The following CACNA1C variants were observed in gnomAD, a reference collection of about 807,000 sequenced individuals.
The protein encoded by CACNA1C is voltage-dependent L-type calcium channel subunit alpha-1C.
In CACNA1C, 30 loss-of-function variants were observed where a neutral mutation model predicts 229.0. The observed-to-expected ratio is 0.13, with a 90% CI of 0.10 to 0.18. CACNA1C has a LOEUF of 0.18. Ranked by LOEUF, CACNA1C falls within the 10% of genes least tolerant of loss-of-function variation. The pLI is 1.00. For synonymous variants in CACNA1C, 1,114 were observed against 1,132.5 expected, an observed-to-expected ratio of 0.98 and a Z score of 0.33; for missense variants, 1,658 against 2,845.0, an observed-to-expected ratio of 0.58 and a Z score of 9.49.
At chr12:2,052,841 C>T (rs2052644384), upstream of CACNA1C, among the ~76,000 whole-genome samples, 1 of 145,178 alleles carries the variant, frequency 6.9e-6, no homozygotes, top group Admixed American at 6.8e-5. Context: ...CGGCTCCCTG[C>T]GCGCCGCCGC....
At chr12:2,276,816 C>T (rs752186049) in intron 3 of CACNA1C, among the ~76,000 whole-genome samples, 16 of 152,056 alleles carry the variant, frequency 1.1e-4, no homozygotes, top group Non-Finnish European at 1.5e-4. Flanking sequence ...ATTGGGATGA[C>T]GGAGGGTGGG....
At chr12:2,340,174 A>G (rs1009960947) in intron 3 of CACNA1C, among the ~76,000 whole-genome samples, 2 of 152,228 alleles carry the variant, frequency 1.3e-5, no homozygotes, top group Non-Finnish European at 2.9e-5. Context: ...TCTTCTATAT[A>G]CAACTTTATA....
At chr12:2,175,079 T>C (rs983089906) in intron 3 of CACNA1C, among the ~76,000 whole-genome samples, 1 of 150,018 alleles carries the variant, frequency 6.7e-6, no homozygotes, top group African/African-American at 2.5e-5. Context: ...AGCTGTACTT[T>C]GGCATGCATC....
At chr12:2,492,483 C>T (rs1478198945) in intron 6 of CACNA1C, among the ~76,000 whole-genome samples, 1 of 152,232 alleles carries the variant, frequency 6.6e-6, no homozygotes. Context: ...TGTGAAGTCC[C>T]ACATGACATG....
At chr12:2,187,636 C>G (rs938853315) in intron 3 of CACNA1C, among the ~76,000 whole-genome samples, 1 of 152,218 alleles carries the variant, frequency 6.6e-6, no homozygotes, top group Non-Finnish European at 1.5e-5. Context: ...AGTCAGTGAC[C>G]GACAGGCCAG....
rs142449272 is a variant in CACNA1C at position 2,293,576 on chromosome 12, T to G, written c.478-155400T>G. Among the ~76,000 whole-genome samples, 812 of 152,334 alleles carry G rather than the reference T, an allele frequency of 5.3e-3. 9 individuals carry two copies. The highest frequency in any genetic ancestry group is 4.4e-3 in the Non-Finnish European group (301 of 68,034). On this transcript the variant is annotated intron_variant, in intron 3 of 46. Coordinates refer to ENST00000399655, the MANE Select transcript of CACNA1C (RefSeq NM_000719.7). ...GTATGAGATTTTTCTTGCATTTATT[T>G]TTAGCTCACCAGCTATCACTAGTGT...
In CACNA1C at chr12:2,486,313, CA is replaced by C; in HGVS notation, c.916+52del. On this transcript the variant is annotated intron_variant, in intron 6 of 46. Coordinates refer to ENST00000399655, the MANE Select transcript of CACNA1C (RefSeq NM_000719.7). The surrounding 1 kb of genome is among the most constrained non-coding windows in gnomAD (Gnocchi z 4.9). ...CCAAGGCCCTGCCCTCTATCGCTCC[CA>C]GCACCTTTCCCGCTGCTGGCTACAC... is the stretch of plus-strand genomic sequence containing the variant. The C allele has an allele frequency of 6.6e-7, 1 of 1,508,732 alleles. No homozygotes were observed. Among genetic ancestry groups the C allele is most frequent in the Non-Finnish European group, 9.1e-7 (1 of 1,103,098 alleles). The allele number at this position is 1,508,732 out of a possible 1,614,324, so 93.5% of individuals were successfully genotyped here.
chr12:2,174,733 C>T (rs2096594779), intron 3 of CACNA1C, among the ~76,000 whole-genome samples: 1 of 152,174 alleles, frequency 6.6e-6, no homozygotes, highest in East Asian at 1.9e-4. Flanking sequence ...TACTGTTTAC[C>T]TGAAGCCTGA....
Position 2,034,752 on chromosome 12 carries a change from T to C in CACNA1C, c.139+63551T>C, listed in dbSNP as rs2048800112. On this transcript the variant is annotated intron_variant, in intron 1 of 46. Coordinates refer to the CACNA1C transcript ENST00000682462. This position sits in a 1 kb window ranked among gnomAD's most constrained non-coding sequence, Gnocchi z 4.1. ...AAAAAACACCTTTCGGAGTGCCTCCTTCGTGCCAGGCTCTGCAGATATAGC... is the reference window on the plus strand; with the variant it reads ...AAAAAACACCTTTCGGAGTGCCTCCCTCGTGCCAGGCTCTGCAGATATAGC... 6.6e-6 allele frequency among the ~76,000 whole-genome samples: 1 copy of C among 152,176 alleles called. No homozygotes were observed. The highest frequency in any genetic ancestry group is 1.5e-5 in the Non-Finnish European group (1 of 68,036).
At position 2,605,766 on chromosome 12, in the gene CACNA1C, A is replaced by G. The variant is rs776422629; in HGVS notation, c.3136A>G (p.Ile1046Val). ...TTLLQFMFAC[I>V]GVQLFKGKLY... ...CCTGCTGCAGTTCATGTTTGCCTGC[A>G]TCGGGGTCCAGCTCTTCAAGGTAAA... The change falls in exon 24 of 47, where the codon ATC becomes GTC. Residue 1046 changes from isoleucine (I) to valine (V), a missense_variant. Ile to Val is a conservative substitution (Grantham distance 29). Around this residue, in one of 20 missense-constraint regions of CACNA1C, gnomAD observed 39 missense variants for 143.3 expected, o/e 0.27. Coordinates refer to ENST00000399655, the MANE Select transcript of CACNA1C (RefSeq NM_000719.7). This position sits in a 1 kb window ranked among gnomAD's most constrained non-coding sequence, Gnocchi z 6.2. 1 of 1,613,266 alleles carries G rather than the reference A, an allele frequency of 6.2e-7. No homozygotes were observed. Among genetic ancestry groups the G allele is most frequent in the South Asian group, 1.1e-5 (1 of 91,072 alleles).
At chr12:2,071,172 C>CCCTCCCTTCCTTCCTTCCTGCCTG (rs1555115765) in intron 1 of CACNA1C, among the ~76,000 whole-genome samples, 1 of 16,046 alleles carries the variant, frequency 6.2e-5, no homozygotes, top group Admixed American at 6.3e-4. Context: ...CTCCCTCCCT[C>CCCTCCCTTCCTTCCTTCCTGCCTG]CCTGCCTGCC....
chr12:2,513,115 T>C, intron 9 of CACNA1C, 131 bp downstream of exon 9: 1 of 599,618 alleles, frequency 1.7e-6, no homozygotes. Context: ...GCAGCAGTTA[T>C]CTCACTGATG....
At chr12:2,134,684 T>C (rs2093032008) in intron 3 of CACNA1C, among the ~76,000 whole-genome samples, 1 of 107,678 alleles carries the variant, frequency 9.3e-6, no homozygotes, top group African/African-American at 3.7e-5. Context: ...CCGCTGTTAG[T>C]CTGATGGGCT....
chr12:2,013,010 A>G (rs1273458139), intron 1 of CACNA1C, among the ~76,000 whole-genome samples: 4 of 152,226 alleles, frequency 2.6e-5, no homozygotes, highest in African/African-American at 9.6e-5. Context: ...GGATTCCTTC[A>G]ATCTCCCTAA....
intron 13 of CACNA1C, among the ~76,000 whole-genome samples, chr12:2,580,209 G>A (rs755117805): frequency 7.9e-5 from 12 of 152,210 alleles, no homozygotes; most frequent in South Asian, 2.1e-4. Context: ...CTGCAACAGA[G>A]GGGGTATGGC....
chr12:2,681,096 T>C (rs960827775), intron 42 of CACNA1C, among the ~76,000 whole-genome samples: 1 of 152,134 alleles, frequency 6.6e-6, no homozygotes, highest in African/African-American at 2.4e-5. Context: ...CCCTCTGGCC[T>C]CATGAAGCTT....
intron 9 of CACNA1C, among the ~76,000 whole-genome samples, chr12:2,541,952 G>A (rs375392731): frequency 1.3e-5 from 2 of 152,136 alleles, no homozygotes; most frequent in Non-Finnish European, 2.9e-5. Context: ...CGAGACGGGG[G>A]CCTCAGGAAC....
rs908552277 is a variant in CACNA1C at position 2,215,489 on chromosome 12, G to A, written c.477+95059G>A. Among the ~76,000 whole-genome samples the A allele has an allele frequency of 6.6e-6, 1 of 152,112 alleles. No homozygotes were observed. Among genetic ancestry groups the A allele is most frequent in the Non-Finnish European group, 1.5e-5 (1 of 68,016 alleles). ...CTAGGCTTGGTTCCTCTCCTTCCTC[G>A]GGGCCTGATTCCTCCAGCTCATGCT... On this transcript the variant is annotated intron_variant, in intron 3 of 46. Coordinates refer to ENST00000399655, the MANE Select transcript of CACNA1C (RefSeq NM_000719.7). This position sits in a 1 kb window ranked among gnomAD's most constrained non-coding sequence, Gnocchi z 5.0.
intron 5 of CACNA1C, among the ~76,000 whole-genome samples, chr12:2,464,542 G>A (rs2099536961): frequency 6.6e-6 from 1 of 152,192 alleles, no homozygotes; most frequent in South Asian, 2.1e-4. Flanking sequence ...TCCACTGCCT[G>A]TGTCCTCATC....
Sources: gnomAD v4.1 joint callset for allele counts (sites outside exome capture counted in the v4.1 genomes callset) on GRCh38, gnomAD v4.1.1 for gene constraint, gnomAD v4.1.1 regional missense constraint, Gnocchi (gnomAD v3.1) non-coding constraint, MANE v1.5 for transcripts, NCBI Gene and HGNC (gene_info 2026-07-23, HGNC 2026-07-21) for gene names.